Variants in KCNG3 observed in about 807,000 individuals in gnomAD.
The protein encoded by KCNG3 is potassium voltage-gated channel modifier subfamily G member 3.
In KCNG3, 15 loss-of-function variants were observed where a neutral mutation model predicts 29.0. That is an observed-to-expected ratio of 0.52 (90% CI 0.35 to 0.80). KCNG3 has a LOEUF of 0.80. Among genes scored for constraint, KCNG3 ranks in the 30% least tolerant of loss-of-function variants. The pLI, the probability that KCNG3 is intolerant of heterozygous loss-of-function variation, is 0.01. For synonymous variants in KCNG3, 322 were observed against 248.9 expected (o/e 1.29, Z -2.76); for missense variants, 512 against 605.7 (o/e 0.85, Z 1.62).
chr2:42,455,888 GA>G (rs1335547216), intron 1 of KCNG3, among the ~76,000 whole-genome samples: 1 of 150,384 alleles, frequency 6.6e-6, no homozygotes, highest in Non-Finnish European at 1.5e-5. Flanking sequence ...GGCCAACACA[GA>G]AAACCACCTA....
At chr2:42,449,888 A>C (rs1672706856) in intron 1 of KCNG3, among the ~76,000 whole-genome samples, 1 of 152,124 alleles carries the variant, frequency 6.6e-6, no homozygotes, top group Admixed American at 6.5e-5. Context: ...CTTGTGGGTA[A>C]GATGTACCAG....
the KCNG3 span, among the ~76,000 whole-genome samples, chr2:42,429,134 AAAAC>A: frequency 8.0e-5 from 12 of 149,766 alleles, no homozygotes; most frequent in African/African-American, 2.4e-4. Context: ...CAAAAAAACA[AAAAC>A]AAACAAACAA....
the KCNG3 span, among the ~76,000 whole-genome samples, chr2:42,391,425 T>A: frequency 1.3e-5 from 2 of 152,228 alleles, no homozygotes; most frequent in East Asian, 1.9e-4. Flanking sequence ...ATCCTTAAGA[T>A]TGGCTTATTT....
chr2:42,426,939 T>C, the KCNG3 span, among the ~76,000 whole-genome samples: 1 of 152,224 alleles, frequency 6.6e-6, no homozygotes, highest in African/African-American at 2.4e-5. Flanking sequence ...AAGTGAGGTA[T>C]AACTTTACTC....
chr2:42,394,109 G>A, the KCNG3 span, among the ~76,000 whole-genome samples: 25 of 152,220 alleles, frequency 1.6e-4, no homozygotes, highest in East Asian at 3.7e-3. Context: ...GTCTTCCTGG[G>A]ATTCTGACAT....
the KCNG3 span, among the ~76,000 whole-genome samples, chr2:42,432,949 CAAAAA>C: frequency 5.7e-5 from 7 of 121,896 alleles, no homozygotes; most frequent in Non-Finnish European, 1.1e-4. Flanking sequence ...AAAAAAAAAA[CAAAAA>C]AACAAAAAAA....
chr2:42,407,663 A>C, the KCNG3 span, among the ~76,000 whole-genome samples: 1 of 151,888 alleles, frequency 6.6e-6, no homozygotes. Context: ...CCCAAATCAC[A>C]GCTGCAGACC....
chr2:42,416,103 T>A, the KCNG3 span, among the ~76,000 whole-genome samples: 1 of 151,780 alleles, frequency 6.6e-6, no homozygotes, highest in Non-Finnish European at 1.5e-5. Context: ...CAGCTGGGAT[T>A]GGGAGGCTGA....
Position 42,443,913 on chromosome 2 carries a change from C to A in KCNG3, c.*21G>T. The A allele has an allele frequency of 6.3e-7, 1 of 1,584,256 alleles. No homozygotes were observed. The highest frequency in any genetic ancestry group is 1.8e-5 in the Admixed American group (1 of 56,014). On this transcript the variant is annotated 3_prime_UTR_variant, in exon 2 of 2. Coordinates refer to ENST00000306078, the MANE Select transcript of KCNG3 (RefSeq NM_133329.6). ...TCAAAGTCTTTCTATGAAGTGTATG[C>A]AAGAATTGATTTGCAATGCATTAAT...
At chr2:42,404,185 T>C in the KCNG3 span, among the ~76,000 whole-genome samples, 4 of 152,214 alleles carry the variant, frequency 2.6e-5, no homozygotes, top group Non-Finnish European at 5.9e-5. Context: ...CAGTGTTAGC[T>C]GGGACAATTT....
downstream of KCNG3, among the ~76,000 whole-genome samples, chr2:42,437,126 C>A (rs1005336862): frequency 2.0e-5 from 3 of 152,086 alleles, no homozygotes; most frequent in Non-Finnish European, 2.9e-5. Flanking sequence ...TTATTTCTTA[C>A]ATGCTATAGT....
At chr2:42,491,537 A>G (rs531319423) in intron 1 of KCNG3, among the ~76,000 whole-genome samples, 40 of 152,216 alleles carry the variant, frequency 2.6e-4, no homozygotes, top group Non-Finnish European at 4.4e-4. Flanking sequence ...AGGTAAATAA[A>G]TTAATTTCAT....
chr2:42,471,465 T>C (rs951201923), intron 1 of KCNG3, among the ~76,000 whole-genome samples: 3 of 152,108 alleles, frequency 2.0e-5, no homozygotes, highest in Non-Finnish European at 2.9e-5. Flanking sequence ...TGGAGATAGA[T>C]AGCAGATGGT....
At chr2:42,462,051 C>T (rs1572850133) in intron 1 of KCNG3, among the ~76,000 whole-genome samples, 1 of 152,026 alleles carries the variant, frequency 6.6e-6, no homozygotes, top group Non-Finnish European at 1.5e-5. Context: ...GATCTAATTC[C>T]ACACAAAATG....
downstream of KCNG3, among the ~76,000 whole-genome samples, chr2:42,441,442 T>A (rs914514471): frequency 6.6e-6 from 1 of 152,060 alleles, no homozygotes; most frequent in Admixed American, 6.6e-5. Context: ...CAGGGAACGT[T>A]ACAATAAAAT....
At chr2:42,452,220 A>AATATATATATATATATAT (rs869226338) in intron 1 of KCNG3, among the ~76,000 whole-genome samples, 38 of 104,644 alleles carry the variant, frequency 3.6e-4, no homozygotes, top group East Asian at 1.1e-3. Context: ...TGGGGTGGTA[A>AATATATATATATATATAT]ATATATATAT....
chr2:42,478,178 C>T (rs942630843), intron 1 of KCNG3, among the ~76,000 whole-genome samples: 2 of 152,116 alleles, frequency 1.3e-5, no homozygotes, highest in Non-Finnish European at 2.9e-5. Context: ...TCCTGAGGAT[C>T]TAAAGGAGCT....
chr2:42,460,152 C>T (rs562143424), intron 1 of KCNG3, among the ~76,000 whole-genome samples: 2 of 151,860 alleles, frequency 1.3e-5, no homozygotes, highest in South Asian at 4.2e-4. Context: ...CTTCTTGAAG[C>T]CAGGAGTATG....
At chr2:42,467,754 G>C (rs1558382441) in intron 1 of KCNG3, among the ~76,000 whole-genome samples, 1 of 151,390 alleles carries the variant, frequency 6.6e-6, no homozygotes, top group African/African-American at 2.4e-5. Flanking sequence ...CAGACTGCTT[G>C]AGCCCAGGAG....
Sources: gnomAD v4.1 joint callset for allele counts (sites outside exome capture counted in the v4.1 genomes callset) on GRCh38, gnomAD v4.1.1 for gene constraint, MANE v1.5 for transcripts, NCBI Gene and HGNC (gene_info 2026-07-23, HGNC 2026-07-21) for gene names.